Variants in MRPL1 observed in about 807,000 individuals in gnomAD.
MRPL1 encodes mitochondrial ribosomal protein L1.
A neutral mutation model predicts 38.0 loss-of-function variants in MRPL1; 28 were observed. The ratio of observed to expected loss-of-function variants is 0.74; its 90% CI spans 0.55 to 1.01. MRPL1 has a LOEUF of 1.01. MRPL1 is among the 50% of genes least tolerant of loss of function. The pLI, the probability that MRPL1 is intolerant of heterozygous loss-of-function variation, is 0.00. For synonymous variants in MRPL1, 123 were observed against 126.7 expected (o/e 0.97, Z 0.20); for missense variants, 358 against 389.8 (o/e 0.92, Z 0.69).
chr4:77,874,306 A>G (rs895623900), intron 2 of MRPL1, among the ~76,000 whole-genome samples: 2 of 152,112 alleles, frequency 1.3e-5, no homozygotes, highest in Admixed American at 6.6e-5. Context: ...TAAGTTAACA[A>G]TATATCTTGG....
chr4:77,873,315 A>G (rs571278297), intron 2 of MRPL1, among the ~76,000 whole-genome samples: 21 of 152,338 alleles, frequency 1.4e-4, no homozygotes, highest in African/African-American at 4.1e-4. Flanking sequence ...TTACACAACT[A>G]GAATGTGTTG....
intron 1 of MRPL1, among the ~76,000 whole-genome samples, chr4:77,867,380 A>G (rs1166761388): frequency 6.6e-6 from 1 of 152,162 alleles, no homozygotes; most frequent in African/African-American, 2.4e-5. Flanking sequence ...TCATTTGTTC[A>G]AATTTTCTTC....
chr4:77,885,233 A>G (rs780366020), intron 3 of MRPL1, 23 bp from the exon 4 acceptor site: 5 of 1,549,896 alleles, frequency 3.2e-6, no homozygotes, highest in Non-Finnish European at 3.6e-6. Context: ...TTACGTAATT[A>G]TTTTTCCTTG....
intron 2 of MRPL1, among the ~76,000 whole-genome samples, chr4:77,877,859 A>G (rs1211428002): frequency 2.0e-5 from 3 of 148,138 alleles, no homozygotes; most frequent in African/African-American, 7.5e-5. Flanking sequence ...CGTTAGACAC[A>G]GTGCGTGTTT....
At chr4:77,941,519 T>C (rs1484947833) in intron 7 of MRPL1, among the ~76,000 whole-genome samples, 1 of 152,132 alleles carries the variant, frequency 6.6e-6, no homozygotes, top group Non-Finnish European at 1.5e-5. Context: ...GTTGGCAGTT[T>C]TGTTGTTGTT....
intron 2 of MRPL1, among the ~76,000 whole-genome samples, chr4:77,874,896 C>T (rs1735359418): frequency 3.3e-5 from 5 of 151,570 alleles, no homozygotes; most frequent in Admixed American, 1.3e-4. Context: ...ATTCTCCTGC[C>T]TCAGCCTCCC....
chr4:77,902,895 T>A (rs1350260067), intron 6 of MRPL1, among the ~76,000 whole-genome samples: 1 of 152,204 alleles, frequency 6.6e-6, no homozygotes, highest in Non-Finnish European at 1.5e-5. Flanking sequence ...CAGGCCCACC[T>A]GATTCCCACT....
chr4:77,866,085 T>C (rs1302860950), intron 1 of MRPL1, among the ~76,000 whole-genome samples: 9 of 152,202 alleles, frequency 5.9e-5, no homozygotes, highest in African/African-American at 2.2e-4. Flanking sequence ...GGAGTCTTGC[T>C]CTGTTGTCCA....
intron 6 of MRPL1, among the ~76,000 whole-genome samples, chr4:77,899,134 C>T (rs1360886217): frequency 1.3e-4 from 20 of 150,780 alleles, no homozygotes; most frequent in Admixed American, 1.3e-3. Context: ...GCTGGGACTA[C>T]AGGCATGTGC....
At chr4:77,914,303 G>A (rs996012709) in intron 7 of MRPL1, among the ~76,000 whole-genome samples, 2 of 152,152 alleles carry the variant, frequency 1.3e-5, no homozygotes, top group African/African-American at 4.8e-5. Context: ...TAGTTGCATA[G>A]GAGGGGTGGG....
At chr4:77,915,632 T>TC (rs752842055) in intron 7 of MRPL1, among the ~76,000 whole-genome samples, 1 of 152,146 alleles carries the variant, frequency 6.6e-6, no homozygotes, top group African/African-American at 2.4e-5. Flanking sequence ...TAGGCTGGTC[T>TC]CCAACTCCTG....
intron 5 of MRPL1, 60 bp downstream of exon 5, chr4:77,887,351 A>G: frequency 7.6e-7 from 1 of 1,317,844 alleles, no homozygotes; most frequent in Admixed American, 1.7e-5. Context: ...TTTACCATTC[A>G]TTGATCTGTT....
intron 7 of MRPL1, among the ~76,000 whole-genome samples, chr4:77,918,302 A>G (rs1183696636): frequency 1.3e-5 from 2 of 152,180 alleles, no homozygotes; most frequent in African/African-American, 4.8e-5. Flanking sequence ...TTTAACTTTG[A>G]TAGAAAGTTA....
rs775701619 is a variant in MRPL1, at chr4:77,862,838, G to C, written c.-11G>C. 2.5e-6 allele frequency: 4 copies of C among 1,614,070 alleles called. No homozygotes were observed. In the Admixed American group the frequency reaches 5.0e-5, roughly 20 times the overall value. The stretch of plus-strand genomic sequence containing the variant: ...GGAACAATTTCGTGAACGCAATCCG[G>C]AGTGCCCAACATGGCGGCGGCCGTA... On this transcript the variant is annotated 5_prime_UTR_variant, in exon 1 of 9. Coordinates refer to ENST00000315567, the MANE Select transcript of MRPL1 (RefSeq NM_020236.4).
At position 77,883,324 on chromosome 4, in the gene MRPL1, C is replaced by A. The variant is rs764447380; in HGVS notation, c.226C>A (p.Pro76Thr). Residue 76 changes from proline to threonine, a missense_variant, in exon 3 of 9, where the codon CCC (proline) becomes ACC (threonine). Transcript: ENST00000315567. ...KDEIEKIKAY[P>T]YMEGEPEDDV... ...TGAAATAGAAAAAATAAAAGCATAT[C>A]CCTATATGGAAGGCGAACCTGAGGA... is the stretch of plus-strand genomic sequence containing the variant. 3 of 1,612,682 alleles carry A rather than the reference C, an allele frequency of 1.9e-6. No individual in the cohort carries two copies. Among genetic ancestry groups the A allele is most frequent in the Admixed American group, 3.3e-5 (2 of 59,958 alleles).
intron 6 of MRPL1, among the ~76,000 whole-genome samples, chr4:77,907,468 TTCTCTC>T (rs950472277): frequency 1.3e-5 from 2 of 149,470 alleles, no homozygotes; most frequent in Admixed American, 1.3e-4. Context: ...TCATGGGTCT[TTCTCTC>T]TCTCTCTCCC....
intron 5 of MRPL1, among the ~76,000 whole-genome samples, chr4:77,893,162 T>G (rs1357335392): frequency 1.3e-5 from 2 of 152,198 alleles, no homozygotes; most frequent in African/African-American, 4.8e-5. Flanking sequence ...AAATATTTCT[T>G]GCTTGGGCAG....
In MRPL1 at chr4:77,937,402, C is replaced by T. The variant is rs180949475; in HGVS notation, c.778-12395C>T. Among the ~76,000 whole-genome samples the T allele has an allele frequency of 4.6e-5, 7 of 152,298 alleles. No homozygotes were observed. The East Asian group carries it at 1.2e-3, about 25-fold the overall frequency. On this transcript the variant is annotated intron_variant, in intron 7 of 8. Coordinates refer to ENST00000315567, the MANE Select transcript of MRPL1 (RefSeq NM_020236.4). The stretch of plus-strand genomic sequence containing the variant: ...GCCTCCCAGGTTTGATCTTAGAATA[C>T]TCAGTTCTAAGTACCTGGCCCCCAG...
chr4:77,886,784 A>ATTT (rs747151628), intron 4 of MRPL1, among the ~76,000 whole-genome samples: 3 of 92,864 alleles, frequency 3.2e-5, no homozygotes, highest in African/African-American at 7.7e-5. Context: ...CCTGGTTTGC[A>ATTT]TTTTCTTTTT....
Sources: gnomAD v4.1 joint callset for allele counts (sites outside exome capture counted in the v4.1 genomes callset) on GRCh38, gnomAD v4.1.1 for gene constraint, MANE v1.5 for transcripts, NCBI Gene and HGNC (gene_info 2026-07-23, HGNC 2026-07-21) for gene names.